The following R3HDM1 variants were observed in gnomAD, a reference collection of about 807,000 sequenced individuals.
R3HDM1 encodes R3H domain containing 1, also known as R3H domain-containing protein 1.
A neutral mutation model predicts 141.1 loss-of-function variants in R3HDM1; 46 were observed. The observed-to-expected ratio is 0.33, with a 90% CI of 0.26 to 0.42. The LOEUF is 0.42. Among genes scored for constraint, R3HDM1 ranks in the 10% least tolerant of loss-of-function variants. The pLI is 1.00. For synonymous variants in R3HDM1, 435 were observed against 472.9 expected (o/e 0.92, Z 1.04); for missense variants, 1,184 against 1,368.3 (o/e 0.87, Z 2.12).
intron 1 of R3HDM1, among the ~76,000 whole-genome samples, chr2:135,573,561 A>G (rs1160278702): frequency 6.6e-6 from 1 of 152,012 alleles, no homozygotes; most frequent in Non-Finnish European, 1.5e-5. Context: ...TCCAAATAGA[A>G]TAAGAGTAGG....
intron 19 of R3HDM1, among the ~76,000 whole-genome samples, chr2:135,664,127 T>C (rs1320154566): frequency 6.6e-6 from 1 of 151,960 alleles, no homozygotes; most frequent in African/African-American, 2.4e-5. Flanking sequence ...ATTAACATGA[T>C]AGTTTATTGT....
intron 1 of R3HDM1, among the ~76,000 whole-genome samples, chr2:135,543,427 T>G (rs1186961296): frequency 6.6e-6 from 1 of 152,034 alleles, no homozygotes; most frequent in African/African-American, 2.4e-5. Context: ...GAGTTTTTTT[T>G]TTTTTCTTTT....
chr2:135,716,040 A>T (rs1228920296), intron 24 of R3HDM1, among the ~76,000 whole-genome samples: 3 of 152,208 alleles, frequency 2.0e-5, no homozygotes, highest in African/African-American at 7.2e-5. Flanking sequence ...TCAAAAGTTT[A>T]TCCAGGCCGG....
chr2:135,683,121 A>G (rs2070640253), intron 21 of R3HDM1, among the ~76,000 whole-genome samples: 1 of 152,250 alleles, frequency 6.6e-6, no homozygotes, highest in Non-Finnish European at 1.5e-5. Flanking sequence ...ACAAACTAGC[A>G]TTGATCTGTT....
At chr2:135,645,340 A>G (rs2064278643) in intron 15 of R3HDM1, 39 bp from the exon 16 acceptor site, 1 of 1,541,994 alleles carries the variant, frequency 6.5e-7, no homozygotes, top group Non-Finnish European at 8.9e-7. Context: ...TTCCACCTGT[A>G]TTCTAAGTTA....
intron 15 of R3HDM1, among the ~76,000 whole-genome samples, chr2:135,644,876 G>T (rs2064218588): frequency 6.6e-6 from 1 of 152,144 alleles, no homozygotes; most frequent in African/African-American, 2.4e-5. Context: ...GAGGTCAGGA[G>T]TTCAAGACCA....
At chr2:135,537,773 T>C (rs928565738) in intron 1 of R3HDM1, among the ~76,000 whole-genome samples, 10 of 151,712 alleles carry the variant, frequency 6.6e-5, no homozygotes, top group African/African-American at 2.4e-4. Flanking sequence ...TCTCCTGCCT[T>C]AGCCTCCCTA....
intron 1 of R3HDM1, among the ~76,000 whole-genome samples, chr2:135,600,364 G>A (rs1005779441): frequency 2.6e-5 from 4 of 152,120 alleles, no homozygotes; most frequent in Non-Finnish European, 5.9e-5. Flanking sequence ...TGTAGTGGTA[G>A]GGGTCAGGAC....
At chr2:135,630,902 G>A (rs1000889327) in intron 7 of R3HDM1, among the ~76,000 whole-genome samples, 22 of 151,986 alleles carry the variant, frequency 1.4e-4, no homozygotes, top group African/African-American at 5.1e-4. Context: ...CCTTTGGGGA[G>A]TGATACCATT....
chr2:135,653,603 A>T (rs1362064428), intron 18 of R3HDM1, among the ~76,000 whole-genome samples: 1 of 152,158 alleles, frequency 6.6e-6, no homozygotes, highest in African/African-American at 2.4e-5. Flanking sequence ...GAAGTATGTT[A>T]TTTAATTTCC....
At position 135,638,648 on chromosome 2, in the gene R3HDM1, G is replaced by A. The variant is rs764445746; in HGVS notation, c.934G>A (p.Asp312Asn). The change falls in exon 12 of 27, where the codon GAC (aspartate) becomes AAC (asparagine). Residue 312 changes from aspartate (D) to asparagine (N), a missense_variant. By Grantham distance (23) the Asp-to-Asn change is conservative. Around this residue, in one of 5 missense-constraint regions of R3HDM1, gnomAD observed 240 missense variants for 312.3 expected, o/e 0.77. Transcript: ENST00000683871. ...GTGTTCCCAAGAGAATTACATTATT[G>A]ACAAAAGGTGAGGGAATTTTTAACA... ...SLCSQENYII[D>N]KRLQDEDASS... 4 of 1,610,452 alleles carry A rather than the reference G, an allele frequency of 2.5e-6. No homozygotes were observed. In the Admixed American group the frequency reaches 6.7e-5, roughly 27 times the overall value.
chr2:135,531,631 C>T lies in R3HDM1; in HGVS notation c.-252C>T. 1 of 986,706 alleles carries T rather than the reference C, an allele frequency of 1.0e-6. No individual in the cohort carries two copies. Among genetic ancestry groups the T allele is most frequent in the Non-Finnish European group, 1.2e-6 (1 of 830,614 alleles). 61.1% of individuals were successfully genotyped at this position (986,706 alleles called of 1,614,324 possible). A position where few individuals can be genotyped will look rare whatever the true frequency, so the allele number is the denominator to read the frequency against. ...AACCGCCTCCTCCTCCTCAGTAACG[C>T]GGGTAAGAGATGCCCTTCCCTCCCC... On this transcript the variant is annotated splice_region_variant and 5_prime_UTR_variant, in exon 1 of 27. Transcript: ENST00000683871.
At chr2:135,695,418 G>C (rs758387426) in intron 21 of R3HDM1, among the ~76,000 whole-genome samples, 1 of 152,084 alleles carries the variant, frequency 6.6e-6, no homozygotes, top group South Asian at 2.1e-4. Flanking sequence ...CTCTTAAGGG[G>C]CTAATTCATG....
At chr2:135,644,223 C>T (rs567775733) in intron 15 of R3HDM1, among the ~76,000 whole-genome samples, 1 of 152,186 alleles carries the variant, frequency 6.6e-6, no homozygotes, top group South Asian at 2.1e-4. Flanking sequence ...TGTAGAGAAG[C>T]CAGGTGCAGT....
chr2:135,705,553 T>A (rs1237315123), intron 21 of R3HDM1, among the ~76,000 whole-genome samples: 3 of 151,796 alleles, frequency 2.0e-5, no homozygotes, highest in Non-Finnish European at 4.4e-5. Context: ...GGAGGATCAC[T>A]TGAGCCCAAG....
intron 19 of R3HDM1, among the ~76,000 whole-genome samples, chr2:135,668,101 G>A (rs2067802034): frequency 6.6e-6 from 1 of 152,208 alleles, no homozygotes; most frequent in Non-Finnish European, 1.5e-5. Context: ...ATAGGCAAGA[G>A]TAAGGTTCTT....
intron 3 of R3HDM1, among the ~76,000 whole-genome samples, chr2:135,613,782 C>G (rs1385636802): frequency 6.6e-6 from 1 of 152,178 alleles, no homozygotes; most frequent in Non-Finnish European, 1.5e-5. Context: ...CGCCACTGCA[C>G]TCCAGCCTGG....
At chr2:135,716,818 G>A (rs13407234) in intron 24 of R3HDM1, among the ~76,000 whole-genome samples, 28 of 152,084 alleles carry the variant, frequency 1.8e-4, no homozygotes, top group African/African-American at 6.5e-4. Flanking sequence ...TGGGCGTGGT[G>A]GCAGGCACCT....
intron 6 of R3HDM1, 138 bp from the exon 7 acceptor site, chr2:135,622,516 A>C (rs1048174639): frequency 1.5e-6 from 2 of 1,332,144 alleles, no homozygotes; most frequent in African/African-American, 1.5e-5. Flanking sequence ...ATTTCATTGT[A>C]ACTTTTCCTA....
Sources: gnomAD v4.1 joint callset for allele counts (sites outside exome capture counted in the v4.1 genomes callset) on GRCh38, gnomAD v4.1.1 for gene constraint, gnomAD v4.1.1 regional missense constraint, MANE v1.5 for transcripts, NCBI Gene and HGNC (gene_info 2026-07-23, HGNC 2026-07-21) for gene names.